Variants in EIF2AK1 observed in about 807,000 individuals in gnomAD.
EIF2AK1 encodes eukaryotic translation initiation factor 2 alpha kinase 1.
A neutral mutation model predicts 77.9 loss-of-function variants in EIF2AK1; 54 were observed. That is an observed-to-expected ratio of 0.69 (90% CI 0.56 to 0.87). EIF2AK1 has a LOEUF of 0.87. EIF2AK1 is among the 40% of genes least tolerant of loss of function. The probability of loss-of-function intolerance (pLI) is 0.00; values close to 1 mark genes in which losing one functional copy is unlikely to be tolerated. For synonymous variants in EIF2AK1, 314 were observed against 290.5 expected (o/e 1.08, Z -0.82); for missense variants, 810 against 768.6 (o/e 1.05, Z -0.64).
chr7:6,044,713 T>C, intron 6 of EIF2AK1, 52 bp from the exon 7 acceptor site: 1 of 1,497,344 alleles, frequency 6.7e-7, no homozygotes, highest in Non-Finnish European at 9.3e-7. Flanking sequence ...TTGTTAAATG[T>C]TTATGCAATA....
intron 7 of EIF2AK1, among the ~76,000 whole-genome samples, chr7:6,044,132 A>AT (rs886370299): frequency 2.0e-5 from 3 of 151,784 alleles, no homozygotes; most frequent in African/African-American, 7.3e-5. Flanking sequence ...ATTTCACATA[A>AT]TTTTCACAAA....
rs780239317 is a variant in EIF2AK1, at chr7:6,024,633, T to C, written c.*40A>G. ...ACTATACCCTAATAAAGATTAAAAA[T>C]TTACATTCCAGTTAACTACCTTAAA... is the stretch of plus-strand genomic sequence containing the variant. On this transcript the variant is annotated 3_prime_UTR_variant, in exon 15 of 15. Coordinates refer to ENST00000199389, the MANE Select transcript of EIF2AK1 (RefSeq NM_014413.4). 3.1e-6 allele frequency: 5 copies of C among 1,612,364 alleles called. No individual in the cohort carries two copies. The African/African-American group carries it at 6.7e-5, about 22-fold the overall frequency.
intron 14 of EIF2AK1, among the ~76,000 whole-genome samples, chr7:6,025,393 CT>C (rs34721967): frequency 0.65 from 98,862 of 151,538 alleles, 32,390 homozygotes; most frequent in East Asian, 0.85. Flanking sequence ...AACTCCTGAC[CT>C]CATGATCCGC....
intron 1 of EIF2AK1, among the ~76,000 whole-genome samples, chr7:6,056,613 A>AAATATATATATATATATAT: frequency 1.6e-3 from 70 of 43,690 alleles, no homozygotes; most frequent in Non-Finnish European, 2.7e-3. Context: ...AAAAAAAAAA[A>AAATATATATATATATATAT]ATATATATAT....
chr7:6,040,478 T>C (rs1290758577), intron 9 of EIF2AK1, among the ~76,000 whole-genome samples: 1 of 152,148 alleles, frequency 6.6e-6, no homozygotes, highest in Non-Finnish European at 1.5e-5. Context: ...ACAACTAACA[T>C]AAAACCAATT....
Position 6,036,429 on chromosome 7 carries a change from T to C in EIF2AK1, c.1332+995A>G. The stretch of plus-strand genomic sequence containing the variant: ...TCACAGCAGAGGGACTTTCAGCCAC[T>C]CAAACTGCATTTTCTGGCTAGACAT... On this transcript the variant is annotated intron_variant, in intron 11 of 14. Coordinates refer to ENST00000199389, the MANE Select transcript of EIF2AK1 (RefSeq NM_014413.4). This position sits in a 1 kb window ranked among gnomAD's most constrained non-coding sequence, Gnocchi z 4.6. 7.3e-7 allele frequency: 1 copy of C among 1,375,626 alleles called. No individual in the cohort carries two copies. Among genetic ancestry groups the C allele is most frequent in the Non-Finnish European group, 9.5e-7 (1 of 1,048,190 alleles). 85.2% of individuals were successfully genotyped at this position (1,375,626 alleles called of 1,614,324 possible).
In EIF2AK1 at chr7:6,040,078, GTTTTATTT is replaced by G. The variant is rs1205749884; in HGVS notation, c.1119+806_1119+813del. ...GACCCTGACAATTTTCATGTTTTTA[GTTTTATTT>G]TTTTATTTTTTTTGAAACAGTCTTC... On this transcript the variant is annotated intron_variant, in intron 9 of 14. Transcript: ENST00000199389. 5.3e-5 allele frequency among the ~76,000 whole-genome samples: 8 copies of G among 152,054 alleles called. No homozygotes were observed. In the East Asian group the frequency reaches 5.8e-4, roughly 11 times the overall value.
At chr7:6,028,192 A>G (rs952642722) in intron 13 of EIF2AK1, 9 of 315,690 alleles carry the variant, frequency 2.9e-5, no homozygotes, top group Admixed American at 1.3e-4. Context: ...AATTATCTAC[A>G]GTACTCAGTT....
intron 1 of EIF2AK1, among the ~76,000 whole-genome samples, chr7:6,057,291 C>T (rs535299495): frequency 6.6e-6 from 1 of 151,770 alleles, no homozygotes; most frequent in African/African-American, 2.4e-5. Context: ...AATGCAACAA[C>T]ATTTCCATGT....
rs992257746 is a variant in EIF2AK1 at position 6,036,663 on chromosome 7, T to C, written c.1332+761A>G. Among the ~76,000 whole-genome samples the C allele has an allele frequency of 6.6e-6, 1 of 152,144 alleles. No homozygotes were observed. The highest frequency in any genetic ancestry group is 2.4e-5 in the African/African-American group (1 of 41,434). ...TCTTCAGCCAAAGACACAAATATAT[T>C]TTCTCTCTTTCTTGATAGCCTTTTG... On this transcript the variant is annotated intron_variant, in intron 11 of 14. Transcript: ENST00000199389. The surrounding 1 kb of genome is among the most constrained non-coding windows in gnomAD (Gnocchi z 4.6).
Position 6,042,951 on chromosome 7 carries a change from G to A in EIF2AK1, c.773C>T (p.Ser258Phe). 1 of 1,614,096 alleles carries A rather than the reference G, an allele frequency of 6.2e-7. No individual in the cohort carries two copies. Among genetic ancestry groups the A allele is most frequent in the Non-Finnish European group, 8.5e-7 (1 of 1,179,976 alleles). Residue 258 changes from serine (S) to phenylalanine (F), a missense_variant, in exon 8 of 15, where the codon TCC (serine) becomes TTC (phenylalanine). By Grantham distance (155) the Ser-to-Phe change is radical. Coordinates refer to ENST00000199389, the MANE Select transcript of EIF2AK1 (RefSeq NM_014413.4). Reference sequence around the variant, plus strand: ...GACATACCTGTCCTCTTCCTGGTCGGAGAGCACTTCCAGAGATGGCAACTC... The same window carrying A: ...GACATACCTGTCCTCTTCCTGGTCGAAGAGCACTTCCAGAGATGGCAACTC... ...AIELPSLEVL[S>F]DQEEDREQCG... is the part of the protein sequence containing the mutation.
chr7:6,050,045 A>C lies in EIF2AK1; in HGVS notation c.278T>G (p.Leu93Arg). ...NPLRSRQVFK[L>R]LCQTFIKMGL... is the part of the protein sequence containing the mutation. ...CATTTTGATAAACGTCTGGCAAAGT[A>C]CTATAAAAAGAATATGAAAAACTAT... Residue 93 changes from leucine (L) to arginine (R), a missense_variant and splice_region_variant, in exon 3 of 15, where the codon CTA becomes CGA. This residue lies in a region of EIF2AK1 where 246 missense variants were observed against 199.0 expected (regional missense o/e 1.24). Transcript: ENST00000199389. 2 of 1,597,446 alleles carry C rather than the reference A, an allele frequency of 1.3e-6. No homozygotes were observed. The highest frequency in any genetic ancestry group is 2.3e-5 in the South Asian group (2 of 87,574).
intron 11 of EIF2AK1, chr7:6,031,429 G>A (rs4724769): frequency 0.42 from 652,291 of 1,550,334 alleles, 140,727 homozygotes; most frequent in Middle Eastern, 0.52. Flanking sequence ...ACAGTGCCAA[G>A]TCCCTGGAAG....
intron 11 of EIF2AK1, among the ~76,000 whole-genome samples, chr7:6,030,999 A>T (rs1036017576): frequency 1.8e-4 from 28 of 152,222 alleles, no homozygotes; most frequent in African/African-American, 6.3e-4. Context: ...AAAATAACTT[A>T]AGGTTAAAAG....
At chr7:6,026,075 C>T (rs562134329) in intron 14 of EIF2AK1, among the ~76,000 whole-genome samples, 5 of 152,294 alleles carry the variant, frequency 3.3e-5, no homozygotes, top group South Asian at 4.1e-4. Context: ...TGCCTCTCCC[C>T]GGTGGTCCAA....
intron 10 of EIF2AK1, 99 bp from the exon 11 acceptor site, chr7:6,037,623 C>T: frequency 1.3e-6 from 1 of 744,644 alleles, no homozygotes; most frequent in East Asian, 2.5e-5. Flanking sequence ...ACATCTGACA[C>T]TTAAGAACAA....
chr7:6,028,414 G>A (rs1787811913), intron 13 of EIF2AK1, among the ~76,000 whole-genome samples: 1 of 152,174 alleles, frequency 6.6e-6, no homozygotes, highest in African/African-American at 2.4e-5. Flanking sequence ...ATCGCACCCA[G>A]ATAATTTTTG....
chr7:6,025,638 G>A (rs1157237766), intron 14 of EIF2AK1, among the ~76,000 whole-genome samples: 1 of 152,148 alleles, frequency 6.6e-6, no homozygotes, highest in Non-Finnish European at 1.5e-5. Flanking sequence ...CTGAAACAGG[G>A]TTCACTATTT....
chr7:6,035,774 G>A lies in EIF2AK1; in HGVS notation c.1332+1650C>T. 2 of 1,551,162 alleles carry A rather than the reference G, an allele frequency of 1.3e-6. No homozygotes were observed. The highest frequency in any genetic ancestry group is 2.4e-5 in the East Asian group (1 of 40,928). On this transcript the variant is annotated intron_variant, in intron 11 of 14. Transcript: ENST00000199389. The surrounding 1 kb of genome is among the most constrained non-coding windows in gnomAD (Gnocchi z 5.5). ...TGGCCGCAAACATGCTGAATAAGGAGATGATGGAAACGCTCATTGCCTATG... is the reference window on the plus strand; with the variant it reads ...TGGCCGCAAACATGCTGAATAAGGAAATGATGGAAACGCTCATTGCCTATG...
Sources: allele counts gnomAD v4.1 joint callset (sites outside exome capture counted in the v4.1 genomes callset), GRCh38; gene constraint gnomAD v4.1.1; regional missense constraint gnomAD v4.1.1; non-coding constraint Gnocchi (gnomAD v3.1); transcripts MANE v1.5; gene names NCBI Gene and HGNC (gene_info 2026-07-23, HGNC 2026-07-21).